Variants in SDK2 observed in about 807,000 individuals in gnomAD.
SDK2 encodes the protein protein sidekick-2.
SDK2 carries 105 observed loss-of-function variants against 253.9 expected under a neutral mutation model. The observed-to-expected ratio is 0.41, with a 90% confidence interval of 0.35 to 0.49. The LOEUF is 0.49. Ranked by LOEUF, SDK2 falls within the 20% of genes least tolerant of loss-of-function variation. SDK2 has a pLI of 0.06. For synonymous variants in SDK2, 1,249 were observed against 1,234.9 expected (o/e 1.01, Z -0.24); for missense variants, 2,608 against 3,003.0 (o/e 0.87, Z 3.07).
intron 26 of SDK2, among the ~76,000 whole-genome samples, chr17:73,393,996 C>T (rs1215670534): frequency 5.3e-5 from 8 of 152,204 alleles, no homozygotes; most frequent in Admixed American, 5.2e-4. Flanking sequence ...AGAGATGGAG[C>T]AGCCCTAGGC....
At chr17:73,530,047 C>G (rs867060702) in intron 1 of SDK2, among the ~76,000 whole-genome samples, 8 of 152,288 alleles carry the variant, frequency 5.3e-5, no homozygotes, top group Middle Eastern at 6.8e-3. Context: ...CAAAACTACC[C>G]TTCCACATCT....
chr17:73,440,748 C>T (rs1034014389), intron 6 of SDK2, 64 bp downstream of exon 6: 2 of 1,212,458 alleles, frequency 1.6e-6, no homozygotes, highest in Non-Finnish European at 2.4e-6. Context: ...CTCCCTGGAG[C>T]CCGCAGTTTG....
chr17:73,335,451 G>A lies in SDK2; in HGVS notation c.*3136C>T, dbSNP rs992404370. On this transcript the variant is annotated 3_prime_UTR_variant, in exon 45 of 45. Transcript: ENST00000392650. ...GAAAGGGTCCCACTCTTTCTACAAA[G>A]GGCAGGGCCCACCACCCCTTTCTAA... 2 of 152,224 alleles carry A rather than the reference G, an allele frequency of 1.3e-5. No individual in the cohort carries two copies. The highest frequency in any genetic ancestry group is 2.4e-5 in the African/African-American group (1 of 41,450). 9.4% of individuals were successfully genotyped at this position (152,224 alleles called of 1,614,324 possible).
At chr17:73,514,974 C>T (rs2064012964) in intron 1 of SDK2, among the ~76,000 whole-genome samples, 1 of 152,174 alleles carries the variant, frequency 6.6e-6, no homozygotes, top group African/African-American at 2.4e-5. Flanking sequence ...TCAGGGTGGG[C>T]TGCTCTCACC....
At chr17:73,494,036 C>A (rs2063825019) in intron 2 of SDK2, among the ~76,000 whole-genome samples, 1 of 152,202 alleles carries the variant, frequency 6.6e-6, no homozygotes, top group African/African-American at 2.4e-5. Context: ...GGATGCCGGG[C>A]CTGGCAATGT....
At chr17:73,553,047 T>C (rs2045087765) in intron 1 of SDK2, among the ~76,000 whole-genome samples, 1 of 152,192 alleles carries the variant, frequency 6.6e-6, no homozygotes, top group African/African-American at 2.4e-5. Flanking sequence ...GGCTGCAGCG[T>C]CACGCTGCTT....
intron 5 of SDK2, 57 bp from the exon 6 acceptor site, chr17:73,440,980 G>T (rs2063411243): frequency 1.5e-6 from 2 of 1,311,662 alleles, no homozygotes; most frequent in Non-Finnish European, 2.1e-6. Flanking sequence ...TCCCTGCCCA[G>T]CCTCATTAGA....
At chr17:73,591,329 CTCT>C (rs925255794) in intron 1 of SDK2, among the ~76,000 whole-genome samples, 11 of 152,300 alleles carry the variant, frequency 7.2e-5, no homozygotes, top group African/African-American at 2.6e-4. Context: ...GGCGCCGGGT[CTCT>C]TCTTCAGCTT....
intron 44 of SDK2, among the ~76,000 whole-genome samples, chr17:73,344,991 G>A (rs545769289): frequency 2.0e-5 from 3 of 152,284 alleles, no homozygotes; most frequent in African/African-American, 7.2e-5. Context: ...GTCTCCTTAT[G>A]GTGCTTTATC....
At chr17:73,416,138 C>CTTGGCCTCGTA in intron 16 of SDK2, 146 bp from the exon 17 acceptor site, 1 of 615,868 alleles carries the variant, frequency 1.6e-6, no homozygotes, top group South Asian at 2.3e-5. Context: ...AGGGTGCCCG[C>CTTGGCCTCGTA]CAGCACATGC....
In SDK2 at chr17:73,455,555, G is replaced by A. The variant is rs1421453093; in HGVS notation, c.479+351C>T. ...GCCAGCCTCTCCAAGGTCCCCCAGCGCCACTGGCCTGAGTCCTGGGCCTGT... is the reference window on the plus strand; with the variant it reads ...GCCAGCCTCTCCAAGGTCCCCCAGCACCACTGGCCTGAGTCCTGGGCCTGT... On this transcript the variant is annotated intron_variant, in intron 4 of 44. Coordinates refer to ENST00000392650, the MANE Select transcript of SDK2 (RefSeq NM_001144952.2). The surrounding 1 kb of genome is among the most constrained non-coding windows in gnomAD (Gnocchi z 5.0). 3.9e-5 allele frequency among the ~76,000 whole-genome samples: 6 copies of A among 152,326 alleles called. No homozygotes were observed. Among genetic ancestry groups the A allele is most frequent in the African/African-American group, 1.2e-4 (5 of 41,572 alleles).
In SDK2 at chr17:73,565,006, T is replaced by C. The variant is rs149905815; in HGVS notation, c.65-57409A>G. On this transcript the variant is annotated intron_variant, in intron 1 of 44. Coordinates refer to ENST00000392650, the MANE Select transcript of SDK2 (RefSeq NM_001144952.2). ...CAGGCTGACACTAGAGGGAAGTCAA[T>C]GTTTAGAAGATAGAAATGGCACTGG... Among the ~76,000 whole-genome samples, 320 of 152,198 alleles carry C rather than the reference T, an allele frequency of 2.1e-3. 3 individuals carry two copies. Among genetic ancestry groups the C allele is most frequent in the Non-Finnish European group, 3.6e-3 (245 of 68,016 alleles).
intron 9 of SDK2, among the ~76,000 whole-genome samples, chr17:73,434,505 G>A (rs987728374): frequency 2.6e-5 from 4 of 152,206 alleles, no homozygotes; most frequent in African/African-American, 4.8e-5. Context: ...CCCTGTCCGC[G>A]GCCTCTGTGG....
chr17:73,389,915 A>G (rs1023503583), intron 29 of SDK2, among the ~76,000 whole-genome samples: 6 of 152,068 alleles, frequency 3.9e-5, no homozygotes, highest in African/African-American at 1.4e-4. Flanking sequence ...ACGCTGGCTA[A>G]TTTTTGTATT....
At chr17:73,437,219 C>T (rs1300035019) in intron 8 of SDK2, among the ~76,000 whole-genome samples, 10 of 152,122 alleles carry the variant, frequency 6.6e-5, no homozygotes, top group Admixed American at 1.3e-4. Flanking sequence ...ACCCTGGCTG[C>T]GGGCTGTCTT....
intron 44 of SDK2, among the ~76,000 whole-genome samples, chr17:73,340,734 GTTTTTTTTTT>G (rs10638504): frequency 0.013 from 1,034 of 77,554 alleles, 15 homozygotes; most frequent in Middle Eastern, 0.033. Context: ...AAACCTTAAA[GTTTTTTTTTT>G]TTTTTTTTTT....
intron 2 of SDK2, among the ~76,000 whole-genome samples, chr17:73,476,446 G>A (rs1316562080): frequency 3.3e-5 from 5 of 151,970 alleles, no homozygotes; most frequent in African/African-American, 4.8e-5. Flanking sequence ...TTTCTTTATC[G>A]TACGCATATA....
Position 73,643,417 on chromosome 17 carries a change from A to T in SDK2, c.64+608T>A, listed in dbSNP as rs534429928. Reference sequence around the variant, plus strand: ...CACCCCCCGGTGGGTCCGCGGCTGCACCCGCGACCTTGGCTCCAGGCCCGC... The same window carrying T: ...CACCCCCCGGTGGGTCCGCGGCTGCTCCCGCGACCTTGGCTCCAGGCCCGC... On this transcript the variant is annotated intron_variant, in intron 1 of 44. Coordinates refer to ENST00000392650, the MANE Select transcript of SDK2 (RefSeq NM_001144952.2). The surrounding 1 kb of genome is among the most constrained non-coding windows in gnomAD (Gnocchi z 6.9). 6.6e-6 allele frequency among the ~76,000 whole-genome samples: 1 copy of T among 152,016 alleles called. No homozygotes were observed. Among genetic ancestry groups the T allele is most frequent in the East Asian group, 2.0e-4 (1 of 5,108 alleles).
chr17:73,403,045 C>A (rs148274071), intron 18 of SDK2, among the ~76,000 whole-genome samples: 3 of 152,100 alleles, frequency 2.0e-5, no homozygotes, highest in Non-Finnish European at 4.4e-5. Flanking sequence ...GTGATCCGCC[C>A]GCCTCGGCCT....
Sources: gnomAD v4.1 joint callset for allele counts (sites outside exome capture counted in the v4.1 genomes callset) on GRCh38, gnomAD v4.1.1 for gene constraint, Gnocchi (gnomAD v3.1) non-coding constraint, MANE v1.5 for transcripts, NCBI Gene and HGNC (gene_info 2026-07-23, HGNC 2026-07-21) for gene names.